Variants in PTPRN2 observed in about 807,000 individuals in gnomAD.
PTPRN2 encodes receptor-type tyrosine-protein phosphatase N2.
A neutral mutation model predicts 118.8 loss-of-function variants in PTPRN2; 74 were observed. The observed-to-expected ratio is 0.62, with a 90% CI of 0.52 to 0.76. The LOEUF (loss-of-function observed/expected upper bound fraction) is 0.76, where lower values mean the gene tolerates loss of function less well. Ranked by LOEUF, PTPRN2 falls within the 30% of genes least tolerant of loss-of-function variation. PTPRN2 has a pLI of 0.00. For missense variants in PTPRN2, 1,481 were observed against 1,394.4 expected, an observed-to-expected ratio of 1.06 and a Z score of -0.99; for synonymous variants, 641 against 608.0, an observed-to-expected ratio of 1.05 and a Z score of -0.80.
At chr7:157,800,403 G>T (rs553545281) in intron 12 of PTPRN2, among the ~76,000 whole-genome samples, 1 of 152,154 alleles carries the variant, frequency 6.6e-6, no homozygotes, top group Non-Finnish European at 1.5e-5. Flanking sequence ...GACCCCTAGC[G>T]TGCTTCCCCG....
intron 5 of PTPRN2, among the ~76,000 whole-genome samples, chr7:158,169,421 T>A (rs982866484): frequency 1.6e-4 from 21 of 135,202 alleles, no homozygotes; most frequent in African/African-American, 5.3e-4. Flanking sequence ...TTTGTGAGTG[T>A]GTGTGTGTGT....
At chr7:158,175,044 C>T (rs371842075) in intron 5 of PTPRN2, among the ~76,000 whole-genome samples, 12 of 152,306 alleles carry the variant, frequency 7.9e-5, no homozygotes, top group Middle Eastern at 3.4e-3. Context: ...TCCCACATGC[C>T]GGGAGACTCT....
chr7:157,917,864 AGCTGGG>A (rs1373668216), intron 11 of PTPRN2, among the ~76,000 whole-genome samples: 1 of 152,160 alleles, frequency 6.6e-6, no homozygotes, highest in African/African-American at 2.4e-5. Flanking sequence ...CAGCAGGCCG[AGCTGGG>A]GCTGGGGCTG....
chr7:158,527,219 C>T (rs1225253396), intron 1 of PTPRN2, among the ~76,000 whole-genome samples: 2 of 151,214 alleles, frequency 1.3e-5, no homozygotes, highest in African/African-American at 2.5e-5. Context: ...CACCTCCCCC[C>T]ACCCCACACC....
intron 3 of PTPRN2, among the ~76,000 whole-genome samples, chr7:158,249,668 G>C (rs1334934087): frequency 2.6e-5 from 4 of 152,210 alleles, no homozygotes; most frequent in Admixed American, 2.0e-4. Flanking sequence ...AATAAAATGT[G>C]GAAGAGGGGT....
intron 12 of PTPRN2, among the ~76,000 whole-genome samples, chr7:157,795,694 G>A (rs568515170): frequency 4.2e-4 from 64 of 152,332 alleles, no homozygotes; most frequent in Non-Finnish European, 7.9e-4. Flanking sequence ...CCATGGAGGC[G>A]TTTTCAAAAG....
intron 11 of PTPRN2, among the ~76,000 whole-genome samples, chr7:157,988,836 A>G (rs535740251): frequency 1.1e-3 from 170 of 152,310 alleles, no homozygotes; most frequent in Non-Finnish European, 2.0e-3. Flanking sequence ...GCATCGCCAC[A>G]CCCGTGTCCC....
intron 11 of PTPRN2, among the ~76,000 whole-genome samples, chr7:157,945,680 G>A (rs796626659): frequency 9.3e-5 from 14 of 150,710 alleles, no homozygotes; most frequent in African/African-American, 2.7e-4. Flanking sequence ...GGACGATGCC[G>A]CCTCCAGCTT....
At chr7:158,146,336 C>T (rs185242286) in intron 6 of PTPRN2, among the ~76,000 whole-genome samples, 31 of 152,276 alleles carry the variant, frequency 2.0e-4, no homozygotes, top group Admixed American at 3.3e-4. Context: ...GCCCAGTCTC[C>T]GTCCATCCCT....
At chr7:158,081,664 C>T (rs1812854813) in intron 10 of PTPRN2, among the ~76,000 whole-genome samples, 1 of 152,156 alleles carries the variant, frequency 6.6e-6, no homozygotes, top group South Asian at 2.1e-4. Flanking sequence ...CAACAGCAAG[C>T]AGATATTCTT....
chr7:157,982,302 C>CT (rs1309112123), intron 11 of PTPRN2, among the ~76,000 whole-genome samples: 12 of 38,220 alleles, frequency 3.1e-4, no homozygotes, highest in South Asian at 1.3e-3. Context: ...AGGGTCCCCC[C>CT]AAACCCTGAG....
intron 2 of PTPRN2, among the ~76,000 whole-genome samples, chr7:158,398,761 T>C (rs1440308058): frequency 2.0e-5 from 3 of 152,228 alleles, no homozygotes; most frequent in Non-Finnish European, 2.9e-5. Flanking sequence ...ATTTCTCAGC[T>C]TTCAGATTTA....
At chr7:158,391,317 C>T (rs1811911584) in intron 2 of PTPRN2, among the ~76,000 whole-genome samples, 1 of 152,222 alleles carries the variant, frequency 6.6e-6, no homozygotes, top group Admixed American at 6.5e-5. Context: ...CGCCACCCTC[C>T]CTTGTCTGAA....
At chr7:158,337,488 C>A (rs201348438) in intron 2 of PTPRN2, among the ~76,000 whole-genome samples, 1 of 124,058 alleles carries the variant, frequency 8.1e-6, no homozygotes, top group Non-Finnish European at 1.8e-5. Flanking sequence ...GAGGTGACAC[C>A]TGCAGACGTC....
chr7:157,909,418 C>T (rs931857138), intron 11 of PTPRN2, among the ~76,000 whole-genome samples: 1 of 152,206 alleles, frequency 6.6e-6, no homozygotes, highest in Non-Finnish European at 1.5e-5. Context: ...ACTCAACACA[C>T]ACTCAAGCCT....
At position 158,463,622 on chromosome 7, in the gene PTPRN2, TATC is replaced by T. The variant is rs1434075448; in HGVS notation, c.163+26110_163+26112del. Among the ~76,000 whole-genome samples the T allele has an allele frequency of 7.7e-5, 9 of 117,260 alleles. No homozygotes were observed. In the East Asian group the frequency reaches 1.3e-3, roughly 17 times the overall value. 76.9% of individuals were successfully genotyped at this position (117,260 alleles called of 152,430 possible). On this transcript the variant is annotated intron_variant, in intron 2 of 22. Transcript: ENST00000389418. ...TCATCATTGTTATCACCATCATTGT[TATC>T]ATCAACACCATCATCATCATCACCA...
intron 11 of PTPRN2, among the ~76,000 whole-genome samples, chr7:157,946,271 C>T (rs141955049): frequency 7.1e-4 from 108 of 151,530 alleles, no homozygotes; most frequent in Middle Eastern, 6.8e-3. Flanking sequence ...GCTCTTTCTG[C>T]GTTTGAGAAG....
chr7:158,147,359 T>A (rs1585619845), intron 6 of PTPRN2, among the ~76,000 whole-genome samples: 1 of 60,186 alleles, frequency 1.7e-5, no homozygotes, highest in Non-Finnish European at 2.9e-5. Flanking sequence ...ACGCCACGTA[T>A]CTTTCCCCCT....
At chr7:157,951,769 C>T (rs1238919538) in intron 11 of PTPRN2, among the ~76,000 whole-genome samples, 3 of 152,232 alleles carry the variant, frequency 2.0e-5, no homozygotes, top group Non-Finnish European at 4.4e-5. Flanking sequence ...CACCATCTTC[C>T]CTGACCATGG....
Sources: allele counts gnomAD v4.1 joint callset (sites outside exome capture counted in the v4.1 genomes callset), GRCh38; gene constraint gnomAD v4.1.1; transcripts MANE v1.5; gene names NCBI Gene and HGNC (gene_info 2026-07-23, HGNC 2026-07-21).